SEMA3A: variants seen among roughly 807,000 people sequenced by gnomAD.
The protein encoded by SEMA3A is semaphorin 3A, also known as semaphorin-3A.
A neutral mutation model predicts 97.9 loss-of-function variants in SEMA3A; 29 were observed. That is an observed-to-expected ratio of 0.30 (90% CI 0.22 to 0.40). The LOEUF (loss-of-function observed/expected upper bound fraction) is 0.40, where lower values mean the gene tolerates loss of function less well. Ranked by LOEUF, SEMA3A falls within the 10% of genes least tolerant of loss-of-function variation. SEMA3A has a pLI of 1.00. For synonymous variants in SEMA3A, 321 were observed against 323.7 expected, an observed-to-expected ratio of 0.99 and a Z score of 0.09; for missense variants, 763 against 951.3, an observed-to-expected ratio of 0.80 and a Z score of 2.60.
rs561922260 is a variant in SEMA3A at position 84,306,977 on chromosome 7, C to T, written c.-83+230G>A. Among the ~76,000 whole-genome samples the T allele has an allele frequency of 5.2e-4, 79 of 152,054 alleles. 1 individual carries two copies. In the South Asian group the frequency reaches 9.1e-3, roughly 18 times the overall value. ...TTTAAACCAAAATGGTAGCAATCCA[C>T]CTCTTGACATTTCAAATGGCAATTC... On this transcript the variant is annotated intron_variant, in intron 3 of 3. Transcript: ENST00000424555.
intron 1 of SEMA3A, among the ~76,000 whole-genome samples, chr7:84,188,391 T>C (rs966899896): frequency 3.9e-5 from 6 of 151,994 alleles, no homozygotes; most frequent in Admixed American, 3.9e-4. Context: ...TAGTGGGAGA[T>C]AGTAGCTGGA....
intron 3 of SEMA3A, among the ~76,000 whole-genome samples, chr7:84,295,306 A>AG (rs1554359308): frequency 3.1e-4 from 47 of 149,532 alleles, no homozygotes; most frequent in Non-Finnish European, 6.1e-4. Context: ...TAGATTCATT[A>AG]TTTTTTTTTT....
At chr7:84,229,021 T>G (rs1799056135) in intron 3 of SEMA3A, among the ~76,000 whole-genome samples, 2 of 152,124 alleles carry the variant, frequency 1.3e-5, no homozygotes, top group Admixed American at 1.3e-4. Flanking sequence ...ACTTTTATAC[T>G]AATTTGAGAT....
intron 6 of SEMA3A, among the ~76,000 whole-genome samples, chr7:84,045,400 A>AT: frequency 6.6e-6 from 1 of 151,916 alleles, no homozygotes; most frequent in Non-Finnish European, 1.5e-5. Context: ...GGGTGGCTTT[A>AT]TTTTTTAAGA....
intron 1 of SEMA3A, among the ~76,000 whole-genome samples, chr7:84,376,877 T>A (rs1162019814): frequency 6.6e-6 from 1 of 152,098 alleles, no homozygotes; most frequent in African/African-American, 2.4e-5. Context: ...TATGTATGTA[T>A]GTTGCTCTTG....
intron 1 of SEMA3A, among the ~76,000 whole-genome samples, chr7:84,389,340 C>T (rs1803480980): frequency 1.3e-5 from 2 of 152,050 alleles, no homozygotes; most frequent in African/African-American, 2.4e-5. Context: ...TCTCTATCAA[C>T]TATTTACAGG....
At chr7:84,059,390 G>T (rs566747227) in intron 5 of SEMA3A, among the ~76,000 whole-genome samples, 3 of 151,886 alleles carry the variant, frequency 2.0e-5, no homozygotes, top group Non-Finnish European at 4.4e-5. Context: ...GGTGACAAAA[G>T]AAAACACTAG....
chr7:84,215,419 C>T (rs938089508), intron 3 of SEMA3A, among the ~76,000 whole-genome samples: 1 of 90,366 alleles, frequency 1.1e-5, no homozygotes, highest in Non-Finnish European at 2.4e-5. Flanking sequence ...AACTCCTGAC[C>T]TTAGATGATC....
chr7:84,206,321 T>A (rs899589084), intron 3 of SEMA3A, among the ~76,000 whole-genome samples: 1 of 78,730 alleles, frequency 1.3e-5, no homozygotes, highest in African/African-American at 7.1e-5. Flanking sequence ...CAAGATGGCA[T>A]TTTTTTTTTT....
chr7:84,208,268 T>C (rs374173210), intron 3 of SEMA3A, among the ~76,000 whole-genome samples: 203 of 152,080 alleles, frequency 1.3e-3, no homozygotes, highest in African/African-American at 4.3e-3. Context: ...CTGGCTAACA[T>C]GGTGAAACCC....
intron 1 of SEMA3A, among the ~76,000 whole-genome samples, chr7:84,401,785 C>G (rs1450268140): frequency 6.6e-6 from 1 of 152,000 alleles, no homozygotes; most frequent in African/African-American, 2.4e-5. Context: ...ATCAATGGTG[C>G]TAATAATACT....
intron 1 of SEMA3A, among the ~76,000 whole-genome samples, chr7:84,185,692 GAAAAAAAAA>G (rs71078810): frequency 6.4e-5 from 5 of 78,132 alleles, no homozygotes; most frequent in East Asian, 3.6e-4. Context: ...ACTCTGGCAG[GAAAAAAAAA>G]AAAAAAAAAA....
chr7:84,287,455 G>A (rs951846502), intron 3 of SEMA3A, among the ~76,000 whole-genome samples: 4 of 152,052 alleles, frequency 2.6e-5, no homozygotes, highest in African/African-American at 9.7e-5. Flanking sequence ...TATTTCAGAA[G>A]TCTTTCTAAT....
At chr7:84,115,130 C>T (rs1235371846) in intron 3 of SEMA3A, among the ~76,000 whole-genome samples, 1 of 152,046 alleles carries the variant, frequency 6.6e-6, no homozygotes, top group Non-Finnish European at 1.5e-5. Context: ...ACTAACACAA[C>T]AAAGTTACCA....
At chr7:84,443,580 G>C (rs752905529) in intron 1 of SEMA3A, among the ~76,000 whole-genome samples, 4 of 152,260 alleles carry the variant, frequency 2.6e-5, no homozygotes, top group Non-Finnish European at 4.4e-5. Context: ...ATTTCCCCTT[G>C]AAACTCTCAC....
intron 1 of SEMA3A, among the ~76,000 whole-genome samples, chr7:84,392,098 G>A (rs1803595734): frequency 3.3e-5 from 5 of 152,056 alleles, no homozygotes; most frequent in African/African-American, 7.2e-5. Context: ...ATGTTTTTGC[G>A]ATGAGAACAT....
At chr7:84,177,810 T>C (rs1797616502) in intron 1 of SEMA3A, among the ~76,000 whole-genome samples, 1 of 152,144 alleles carries the variant, frequency 6.6e-6, no homozygotes, top group South Asian at 2.1e-4. Context: ...CTCTTCTGAT[T>C]TGATTTACTT....
intron 4 of SEMA3A, among the ~76,000 whole-genome samples, chr7:84,064,534 G>A (rs1434415248): frequency 6.6e-6 from 1 of 151,946 alleles, no homozygotes; most frequent in Non-Finnish European, 1.5e-5. Flanking sequence ...CATCTCACGT[G>A]CAGAGACACA....
intron 1 of SEMA3A, among the ~76,000 whole-genome samples, chr7:84,377,775 T>C (rs1299310559): frequency 6.6e-6 from 1 of 152,164 alleles, no homozygotes; most frequent in Non-Finnish European, 1.5e-5. Flanking sequence ...TAATTTTTTA[T>C]ATGGAGGTGT....
Sources: allele counts gnomAD v4.1 joint callset (sites outside exome capture counted in the v4.1 genomes callset), GRCh38; gene constraint gnomAD v4.1.1; transcripts MANE v1.5; gene names NCBI Gene and HGNC (gene_info 2026-07-23, HGNC 2026-07-21).